CFAP44: variants seen among roughly 807,000 people sequenced by gnomAD.
CFAP44 encodes cilia and flagella associated protein 44, also known as cilia- and flagella-associated protein 44.
A neutral mutation model predicts 216.2 loss-of-function variants in CFAP44; 134 were observed. The ratio of observed to expected loss-of-function variants is 0.62; its 90% CI spans 0.54 to 0.72. CFAP44 has a LOEUF of 0.72. Among genes scored for constraint, CFAP44 ranks in the 30% least tolerant of loss-of-function variants. The probability of loss-of-function intolerance (pLI) is 0.00; values close to 1 mark genes in which losing one functional copy is unlikely to be tolerated. For synonymous variants in CFAP44, 700 were observed against 727.6 expected (o/e 0.96, Z 0.61); for missense variants, 2,035 against 2,182.1 (o/e 0.93, Z 1.34).
intron 33 of CFAP44, among the ~76,000 whole-genome samples, chr3:113,295,771 C>G (rs1389677343): frequency 6.6e-6 from 1 of 152,176 alleles, no homozygotes; most frequent in Admixed American, 6.5e-5. Context: ...ACAGTCTATG[C>G]CTTGTTACAA....
At chr3:113,302,742 C>A (rs1250862379) in intron 32 of CFAP44, among the ~76,000 whole-genome samples, 1 of 132,312 alleles carries the variant, frequency 7.6e-6, no homozygotes, top group South Asian at 2.3e-4. Flanking sequence ...GGTGAGACTC[C>A]AGCCTGGGCG....
chr3:113,303,335 C>A lies in CFAP44; in HGVS notation c.5077+581G>T, dbSNP rs577297015. ...AATAATAAATATCCTAAATATCCAT[C>A]AATAGGAGGCTAAATAAAATATTTA... On this transcript the variant is annotated intron_variant, in intron 32 of 34. Transcript: ENST00000393845. Among the ~76,000 whole-genome samples the A allele has an allele frequency of 8.5e-5, 13 of 152,188 alleles. No homozygotes were observed. The East Asian group carries it at 1.7e-3, about 20-fold the overall frequency.
In CFAP44 at chr3:113,358,734, A is replaced by T; in HGVS notation, c.3065+11T>A. On this transcript the variant is annotated intron_variant, in intron 22 of 34. Transcript: ENST00000393845. ...TCAAACATCTTAGCTTGTAGAGAAT[A>T]TGGATCCTACCGATTCTTTAGCTTC... is the stretch of plus-strand genomic sequence containing the variant. The T allele has an allele frequency of 1.3e-6, 2 of 1,536,288 alleles. No homozygotes were observed. Among genetic ancestry groups the T allele is most frequent in the Non-Finnish European group, 1.7e-6 (2 of 1,146,218 alleles).
At chr3:113,309,982 C>T (rs1339507447) in intron 28 of CFAP44, among the ~76,000 whole-genome samples, 1 of 152,158 alleles carries the variant, frequency 6.6e-6, no homozygotes, top group African/African-American at 2.4e-5. Flanking sequence ...CTATTCCAAC[C>T]AAACACCACA....
intron 32 of CFAP44, among the ~76,000 whole-genome samples, chr3:113,300,271 G>C (rs774850821): frequency 6.6e-6 from 1 of 152,038 alleles, no homozygotes; most frequent in African/African-American, 2.4e-5. Flanking sequence ...CAGTTAGATA[G>C]AATAAATAAA....
At chr3:113,294,094 G>A (rs1949857234) in intron 34 of CFAP44, 2 of 456,040 alleles carry the variant, frequency 4.4e-6, no homozygotes, top group African/African-American at 4.0e-5. Context: ...CTTTTTGCAG[G>A]TAATATTGTT....
chr3:113,356,160 A>G (rs1245738027), intron 22 of CFAP44, among the ~76,000 whole-genome samples: 5 of 150,240 alleles, frequency 3.3e-5, no homozygotes, highest in Non-Finnish European at 5.9e-5. Context: ...AAATACATAT[A>G]AATATATTAT....
chr3:113,408,639 T>C (rs990998430), intron 7 of CFAP44, among the ~76,000 whole-genome samples: 3 of 151,834 alleles, frequency 2.0e-5, no homozygotes, highest in African/African-American at 4.8e-5. Flanking sequence ...CTGAGGCGGG[T>C]GGATCACATG....
intron 1 of CFAP44, chr3:113,435,087 G>A (rs1460615877): frequency 6.6e-6 from 1 of 152,230 alleles, no homozygotes; most frequent in Non-Finnish European, 1.5e-5. Context: ...ACCGAGCTCA[G>A]TGGCTCATGC....
Position 113,333,037 on chromosome 3 carries a change from A to G in CFAP44, c.3615+369T>C, listed in dbSNP as rs566185662. 2.0e-5 allele frequency among the ~76,000 whole-genome samples: 3 copies of G among 152,314 alleles called. No individual in the cohort carries two copies. The East Asian group carries it at 5.8e-4, about 29-fold the overall frequency. ...GTATTAATACTTCTAATAAGGCCACAGCAAAAAAAGAGATAGAGACATTCA... is the reference window on the plus strand; with the variant it reads ...GTATTAATACTTCTAATAAGGCCACGGCAAAAAAAGAGATAGAGACATTCA... On this transcript the variant is annotated intron_variant, in intron 25 of 34. Coordinates refer to ENST00000393845, the MANE Select transcript of CFAP44 (RefSeq NM_001164496.2).
At chr3:113,427,108 G>A in intron 3 of CFAP44, 79 bp downstream of exon 3, 1 of 1,446,958 alleles carries the variant, frequency 6.9e-7, no homozygotes, top group Admixed American at 2.2e-5. Context: ...TTCTTTCTAT[G>A]GATTTATAAC....
At chr3:113,402,120 T>C (rs1369875332) in intron 9 of CFAP44, among the ~76,000 whole-genome samples, 2 of 152,234 alleles carry the variant, frequency 1.3e-5, no homozygotes, top group Admixed American at 1.3e-4. Context: ...GTTTTCTACA[T>C]ACCAGCAGGC....
chr3:113,411,290 A>C (rs1396714171), intron 6 of CFAP44, among the ~76,000 whole-genome samples: 2 of 152,178 alleles, frequency 1.3e-5, no homozygotes, highest in African/African-American at 2.4e-5. Flanking sequence ...TCTAACAATT[A>C]AGTCTTTAAT....
intron 15 of CFAP44, among the ~76,000 whole-genome samples, chr3:113,383,424 G>A (rs1933565274): frequency 6.6e-6 from 1 of 151,976 alleles, no homozygotes; most frequent in Non-Finnish European, 1.5e-5. Context: ...CATTCACAAG[G>A]GCTCCACCCT....
chr3:113,419,117 G>T (rs1209772945), intron 5 of CFAP44, among the ~76,000 whole-genome samples: 2 of 152,168 alleles, frequency 1.3e-5, no homozygotes, highest in Admixed American at 1.3e-4. Flanking sequence ...TAAAGTAATA[G>T]ATAAATATGT....
intron 28 of CFAP44, among the ~76,000 whole-genome samples, chr3:113,318,896 T>C (rs1950114776): frequency 6.6e-6 from 1 of 151,264 alleles, no homozygotes; most frequent in African/African-American, 2.4e-5. Flanking sequence ...AAGTTTCAAC[T>C]AGACCAGTCT....
intron 28 of CFAP44, among the ~76,000 whole-genome samples, chr3:113,316,879 A>G (rs887535370): frequency 3.3e-5 from 5 of 151,992 alleles, no homozygotes; most frequent in Non-Finnish European, 7.4e-5. Flanking sequence ...AAAAAAAAAA[A>G]AAAAGCAACA....
intron 18 of CFAP44, among the ~76,000 whole-genome samples, chr3:113,369,992 A>C (rs1933096468): frequency 6.6e-6 from 1 of 152,222 alleles, no homozygotes; most frequent in Non-Finnish European, 1.5e-5. Context: ...TAAGTGGATA[A>C]ATTTCTGGAC....
chr3:113,324,141 T>C (rs1358484916), intron 28 of CFAP44, among the ~76,000 whole-genome samples: 1 of 152,024 alleles, frequency 6.6e-6, no homozygotes, highest in African/African-American at 2.4e-5. Flanking sequence ...AAAAGAAATG[T>C]TCAAATCCAA....
Sources: allele counts gnomAD v4.1 joint callset (sites outside exome capture counted in the v4.1 genomes callset), GRCh38; gene constraint gnomAD v4.1.1; transcripts MANE v1.5; gene names NCBI Gene and HGNC (gene_info 2026-07-23, HGNC 2026-07-21).